Variants in PSMB2 observed in about 807,000 individuals in gnomAD.
PSMB2 encodes proteasome 20S subunit beta 2.
A neutral mutation model predicts 25.7 loss-of-function variants in PSMB2; 13 were observed. The observed-to-expected ratio is 0.51, with a 90% confidence interval of 0.33 to 0.80. The LOEUF is 0.80. Among genes scored for constraint, PSMB2 ranks in the 30% least tolerant of loss-of-function variants. The pLI, the probability that PSMB2 is intolerant of heterozygous loss-of-function variation, is 0.02. For missense variants in PSMB2, 202 were observed against 259.0 expected (o/e 0.78, Z 1.51); for synonymous variants, 87 against 96.2 (o/e 0.90, Z 0.56).
rs1651396307 is a variant in PSMB2 at position 35,641,509 on chromosome 1, C to T, written c.-77G>A. On this transcript the variant is annotated 5_prime_UTR_variant, in exon 1 of 6. Transcript: ENST00000373237. ...CTTCCAGGTCTCACCGGTGAGACAG[C>T]ACCTCAGAGCGAAGATTGGCGCGAC... The T allele has an allele frequency of 3.1e-6, 5 of 1,591,700 alleles. No homozygotes were observed. The South Asian group carries it at 4.5e-5, about 14-fold the overall frequency.
At chr1:35,621,454 C>T (rs916564887) in intron 3 of PSMB2, among the ~76,000 whole-genome samples, 32 of 152,134 alleles carry the variant, frequency 2.1e-4, no homozygotes, top group Non-Finnish European at 8.8e-5. Flanking sequence ...TGTAAGAAAC[C>T]ACATCCATCA....
rs371070746 is a variant in PSMB2 at position 35,636,295 on chromosome 1, G to C, written c.214+15C>G. ...GTAAACTCATATGCCAACTAAAACTGTAAGTCTTACCCACCATTTCGCATC... is the reference window on the plus strand; with the variant it reads ...GTAAACTCATATGCCAACTAAAACTCTAAGTCTTACCCACCATTTCGCATC... On this transcript the variant is annotated intron_variant, in intron 2 of 5. Coordinates refer to ENST00000373237, the MANE Select transcript of PSMB2 (RefSeq NM_002794.5). 6.2e-7 allele frequency: 1 copy of C among 1,613,778 alleles called. No homozygotes were observed. The highest frequency in any genetic ancestry group is 2.2e-5 in the East Asian group (1 of 44,854).
At chr1:35,611,685 G>A (rs78279267) in intron 3 of PSMB2, among the ~76,000 whole-genome samples, 55 of 152,124 alleles carry the variant, frequency 3.6e-4, no homozygotes, top group African/African-American at 1.3e-3. Context: ...TTAGCCATGC[G>A]TGGTGGCACG....
intron 3 of PSMB2, among the ~76,000 whole-genome samples, chr1:35,610,275 C>CA (rs886221023): frequency 1.3e-5 from 2 of 151,852 alleles, no homozygotes; most frequent in Non-Finnish European, 2.9e-5. Context: ...TTGGTTTCTA[C>CA]AAAAAAACTA....
chr1:35,603,605 T>C (rs560398008), intron 5 of PSMB2, among the ~76,000 whole-genome samples: 1 of 152,270 alleles, frequency 6.6e-6, no homozygotes, highest in South Asian at 2.1e-4. Context: ...GAGGTGCAAC[T>C]AAGAGCCTGT....
At chr1:35,621,489 G>C (rs1179598225) in intron 3 of PSMB2, among the ~76,000 whole-genome samples, 1 of 152,170 alleles carries the variant, frequency 6.6e-6, no homozygotes, top group South Asian at 2.1e-4. Flanking sequence ...AGGAAGTGTA[G>C]AATTCTGCTG....
At position 35,600,717 on chromosome 1, in the gene PSMB2, A is replaced by G. The variant is rs1389623787; in HGVS notation, c.*2550T>C. 2 of 985,322 alleles carry G rather than the reference A, an allele frequency of 2.0e-6. No individual in the cohort carries two copies. The highest frequency in any genetic ancestry group is 1.2e-6 in the Non-Finnish European group (1 of 829,950). 61.0% of individuals were successfully genotyped at this position (985,322 alleles called of 1,614,324 possible). On this transcript the variant is annotated 3_prime_UTR_variant, in exon 6 of 6. Transcript: ENST00000373237. ...GATTTGGAGCTCAGGAAAGAGATCC[A>G]GATTGGCAAAAAAACACTGAGAGTC...
intron 3 of PSMB2, among the ~76,000 whole-genome samples, chr1:35,625,004 T>C (rs541499898): frequency 2.0e-5 from 3 of 151,406 alleles, no homozygotes; most frequent in South Asian, 4.2e-4. Flanking sequence ...GAGGTTGCAG[T>C]GTGCTGAGAT....
Position 35,622,975 on chromosome 1 carries a change from TACG to T in PSMB2, c.285+8296_285+8298del, listed in dbSNP as rs1384369850. 1.7e-4 allele frequency among the ~76,000 whole-genome samples: 26 copies of T among 152,304 alleles called. No homozygotes were observed. In the East Asian group the frequency reaches 4.8e-3, roughly 28 times the overall value. On this transcript the variant is annotated intron_variant, in intron 3 of 5. Coordinates refer to ENST00000373237, the MANE Select transcript of PSMB2 (RefSeq NM_002794.5). ...ACTTAGTCAAGCTTTAACTAATGCATACGCATACTGCTTAAAAGGGCAGCTGTC... is the reference window on the plus strand; with the variant it reads ...ACTTAGTCAAGCTTTAACTAATGCATCATACTGCTTAAAAGGGCAGCTGTC...
chr1:35,624,154 T>C (rs775912573), intron 3 of PSMB2, among the ~76,000 whole-genome samples: 12 of 152,178 alleles, frequency 7.9e-5, no homozygotes, highest in Non-Finnish European at 1.8e-4. Context: ...CTACATATTC[T>C]TTCCCATTCC....
intron 3 of PSMB2, among the ~76,000 whole-genome samples, chr1:35,630,360 A>C (rs1651054183): frequency 6.6e-6 from 1 of 152,212 alleles, no homozygotes; most frequent in Non-Finnish European, 1.5e-5. Flanking sequence ...GCAAAAAAAA[A>C]CTTATGTTCA....
chr1:35,638,972 G>A (rs746928932), intron 1 of PSMB2, among the ~76,000 whole-genome samples: 9 of 152,154 alleles, frequency 5.9e-5, no homozygotes, highest in East Asian at 1.9e-4. Context: ...GTCATCAGAC[G>A]GCTGGGCACG....
Position 35,602,882 on chromosome 1 carries a change from T to A in PSMB2, c.*385A>T. On this transcript the variant is annotated 3_prime_UTR_variant, in exon 6 of 6. Coordinates refer to ENST00000373237, the MANE Select transcript of PSMB2 (RefSeq NM_002794.5). ...TATTATTAATTCAGGTTAATTAATTTAAAAATTTAAGTTTAAGGGCAAAAA... is the reference window on the plus strand; with the variant it reads ...TATTATTAATTCAGGTTAATTAATTAAAAAATTTAAGTTTAAGGGCAAAAA... The A allele has an allele frequency of 2.2e-5, 21 of 953,752 alleles. No individual in the cohort carries two copies. The highest frequency in any genetic ancestry group is 2.6e-5 in the Non-Finnish European group (21 of 796,720). 59.1% of individuals were successfully genotyped at this position (953,752 alleles called of 1,614,324 possible). A position where few individuals can be genotyped will look rare whatever the true frequency, so the allele number is the denominator to read the frequency against.
chr1:35,599,915 T>C lies in PSMB2; in HGVS notation c.*3352A>G, dbSNP rs1415004059. ...TGGCAGACCAAGGTGGGAGGATCAC[T>C]TGAGGCCAAGAGTTCGAGACCAGCC... On this transcript the variant is annotated 3_prime_UTR_variant, in exon 6 of 6. Coordinates refer to ENST00000373237, the MANE Select transcript of PSMB2 (RefSeq NM_002794.5). 9 of 908,972 alleles carry C rather than the reference T, an allele frequency of 9.9e-6. No individual in the cohort carries two copies. Among genetic ancestry groups the C allele is most frequent in the Non-Finnish European group, 1.2e-5 (9 of 760,326 alleles). 56.3% of individuals were successfully genotyped at this position (908,972 alleles called of 1,614,324 possible). A position where few individuals can be genotyped will look rare whatever the true frequency, so the allele number is the denominator to read the frequency against.
intron 4 of PSMB2, among the ~76,000 whole-genome samples, chr1:35,607,857 TA>T (rs1488234313): frequency 5.3e-4 from 80 of 152,196 alleles, no homozygotes; most frequent in African/African-American, 1.9e-3. Context: ...CATGAAATAC[TA>T]TTCATCCATA....
At position 35,603,488 on chromosome 1, in the gene PSMB2, C is replaced by G. The variant is rs960161968; in HGVS notation, c.499-114G>C. On this transcript the variant is annotated intron_variant, in intron 5 of 5. Transcript: ENST00000373237. ...AACAAAAATCCCTGCTTTTGTGGAA[C>G]TGATATTCTACTGGAGGCAGTTGGC... 3.1e-6 allele frequency: 4 copies of G among 1,289,178 alleles called. No individual in the cohort carries two copies. The African/African-American group carries it at 5.9e-5, about 19-fold the overall frequency. 79.9% of individuals were successfully genotyped at this position (1,289,178 alleles called of 1,614,324 possible). A position where few individuals can be genotyped will look rare whatever the true frequency, so the allele number is the denominator to read the frequency against.
rs1649968355 is a variant in PSMB2, at chr1:35,600,734, CTG to C, written c.*2531_*2532del. On this transcript the variant is annotated 3_prime_UTR_variant, in exon 6 of 6. Transcript: ENST00000373237. ...AGAGATCCAGATTGGCAAAAAAACA[CTG>C]AGAGTCAGGATGGGTTTGCAGGCTT... 1.0e-6 allele frequency: 1 copy of C among 985,398 alleles called. No homozygotes were observed. Among genetic ancestry groups the C allele is most frequent in the Non-Finnish European group, 1.2e-6 (1 of 829,936 alleles). The allele number at this position is 985,398 out of a possible 1,614,324, so 61.0% of individuals were successfully genotyped here.
At chr1:35,632,038 C>A (rs1291701829) in intron 2 of PSMB2, among the ~76,000 whole-genome samples, 2 of 151,708 alleles carry the variant, frequency 1.3e-5, no homozygotes, top group Non-Finnish European at 2.9e-5. Flanking sequence ...AAAACAGGAA[C>A]AAAAAGGATA....
intron 3 of PSMB2, among the ~76,000 whole-genome samples, chr1:35,629,815 AAAAAAAG>A (rs756447256): frequency 7.2e-5 from 11 of 152,098 alleles, no homozygotes; most frequent in Admixed American, 2.0e-4. Context: ...CGTCTCAAAA[AAAAAAAG>A]AAAAAAGAAA....
Sources: allele counts gnomAD v4.1 joint callset (sites outside exome capture counted in the v4.1 genomes callset), GRCh38; gene constraint gnomAD v4.1.1; transcripts MANE v1.5; gene names NCBI Gene and HGNC (gene_info 2026-07-23, HGNC 2026-07-21).